The following MRPL34 variants were observed in gnomAD, a reference collection of about 807,000 sequenced individuals.
The protein encoded by MRPL34 is mitochondrial ribosomal protein L34.
Under a neutral mutation model 6.7 loss-of-function variants are expected in MRPL34, and 8 were observed. The ratio of observed to expected loss-of-function variants is 1.20; its 90% CI spans 0.70 to 2.16. The LOEUF is 2.16. Among genes scored for constraint, MRPL34 ranks in the 30% most tolerant of loss-of-function variants. The probability of loss-of-function intolerance (pLI) is 0.00; values close to 1 mark genes in which losing one functional copy is unlikely to be tolerated. For missense variants in MRPL34, 146 were observed against 125.5 expected (o/e 1.16, Z -0.78); for synonymous variants, 59 against 55.1 (o/e 1.07, Z -0.31).
chr19:17,300,388 G>A (rs2074111981), upstream of MRPL34, among the ~76,000 whole-genome samples: 1 of 151,914 alleles, frequency 6.6e-6, no homozygotes, highest in South Asian at 2.1e-4. Context: ...ACTTTTTGTA[G>A]AGCTAGGGGG....
chr19:17,301,250 C>A (rs750143429), upstream of MRPL34: 134 of 1,597,644 alleles, frequency 8.4e-5, no homozygotes, highest in Non-Finnish European at 1.1e-4. Flanking sequence ...CCCGCCGGAT[C>A]TGCCAGCTCC....
upstream of MRPL34, among the ~76,000 whole-genome samples, chr19:17,303,962 G>GCCC (rs371005346): frequency 1.4e-5 from 2 of 141,944 alleles, no homozygotes; most frequent in African/African-American, 5.3e-5. Context: ...TCCCCCCTAC[G>GCCC]CCCCCCCCTT....
upstream of MRPL34, chr19:17,302,244 G>A (rs1337908145): frequency 6.6e-6 from 1 of 152,532 alleles, no homozygotes; most frequent in East Asian, 1.9e-4. Flanking sequence ...TGGAGAAGGG[G>A]ACATTGTGGC....
upstream of MRPL34, among the ~76,000 whole-genome samples, chr19:17,299,561 A>C (rs1017659744): frequency 1.2e-5 from 1 of 80,986 alleles, no homozygotes; most frequent in African/African-American, 5.0e-5. Context: ...ACTCCATCTC[A>C]AAAAAAAAAA....
upstream of MRPL34, among the ~76,000 whole-genome samples, chr19:17,303,634 G>C (rs941322003): frequency 6.6e-6 from 1 of 152,224 alleles, no homozygotes; most frequent in Non-Finnish European, 1.5e-5. Context: ...CGGAGAAGGG[G>C]GTTGCAGTCT....
At chr19:17,299,210 G>C (rs2074105996), upstream of MRPL34, among the ~76,000 whole-genome samples, 1 of 148,286 alleles carries the variant, frequency 6.7e-6, no homozygotes, top group South Asian at 2.1e-4. Flanking sequence ...AGGAGTTCAA[G>C]ACCAGCCTGG....
At chr19:17,297,449 C>A (rs1192599119) in intron 1 of MRPL34, among the ~76,000 whole-genome samples, 3 of 152,040 alleles carry the variant, frequency 2.0e-5, no homozygotes, top group African/African-American at 7.2e-5. Flanking sequence ...GCACCTGCAA[C>A]CATACCCAGC....
chr19:17,292,875 G>A (rs773436699), intron 1 of MRPL34: 1 of 1,585,020 alleles, frequency 6.3e-7, no homozygotes, highest in Admixed American at 1.7e-5. Flanking sequence ...GCAAGAGGGT[G>A]GAGAGAGGCC....
At chr19:17,301,512 A>C, upstream of MRPL34, 1 of 1,611,616 alleles carries the variant, frequency 6.2e-7, no homozygotes. Flanking sequence ...TGACCTCTAC[A>C]AAGGTGTAGC....
chr19:17,300,583 TTC>T (rs1434855934), upstream of MRPL34, among the ~76,000 whole-genome samples: 1 of 152,116 alleles, frequency 6.6e-6, no homozygotes, highest in African/African-American at 2.4e-5. Context: ...GTTCAAGTGA[TTC>T]CTCTGCCTCA....
chr19:17,299,666 T>C (rs2074108775), upstream of MRPL34, among the ~76,000 whole-genome samples: 1 of 151,842 alleles, frequency 6.6e-6, no homozygotes, highest in Non-Finnish European at 1.5e-5. Flanking sequence ...GCCCAGTAGT[T>C]AAAGAACATC....
upstream of MRPL34, chr19:17,301,750 G>A: frequency 8.7e-7 from 1 of 1,147,104 alleles, no homozygotes; most frequent in Non-Finnish European, 1.2e-6. Context: ...CAGATCAAGT[G>A]AGCCACGGCA....
rs570892991 is a variant in MRPL34 at position 17,293,693 on chromosome 19, T to G, written c.214+839T>G. ...CAGTTATACTTTAATGGTTTTTGTT[T>G]TTTTTTTTTTTTCTTTAAGAAACGG... On this transcript the variant is annotated intron_variant, in intron 1 of 2. Coordinates refer to the MRPL34 transcript ENST00000595444. Among the ~76,000 whole-genome samples, 87 of 144,752 alleles carry G rather than the reference T, an allele frequency of 6.0e-4. 1 individual carries two copies. The highest frequency in any genetic ancestry group is 8.1e-4 in the Admixed American group (12 of 14,862). 95.0% of individuals were successfully genotyped at this position (144,752 alleles called of 152,430 possible).
At chr19:17,305,373 G>A (rs964309601), upstream of MRPL34, among the ~76,000 whole-genome samples, 11 of 152,130 alleles carry the variant, frequency 7.2e-5, no homozygotes, top group East Asian at 1.9e-3. Context: ...AGTGGCGCAG[G>A]GACCACCCCA....
upstream of MRPL34, among the ~76,000 whole-genome samples, chr19:17,299,074 A>G (rs1486014993): frequency 6.6e-6 from 1 of 152,156 alleles, no homozygotes; most frequent in South Asian, 2.1e-4. Context: ...ATGTGAAACA[A>G]TATCAGTGAT....
intron 1 of MRPL34, chr19:17,294,223 C>A: frequency 6.5e-7 from 1 of 1,548,582 alleles, no homozygotes; most frequent in Non-Finnish European, 8.7e-7. Flanking sequence ...CCCGCAGAGG[C>A]CACGCCCCTC....
chr19:17,301,776 T>TTGTGTG (rs10679164), upstream of MRPL34, among the ~76,000 whole-genome samples: 6,094 of 147,380 alleles, frequency 0.041, 306 homozygotes, highest in African/African-American at 0.12. Flanking sequence ...ATTTTTTTGT[T>TTGTGTG]TGTGTGTGTG....
At chr19:17,296,894 C>T (rs2074096383) in intron 1 of MRPL34, among the ~76,000 whole-genome samples, 1 of 151,860 alleles carries the variant, frequency 6.6e-6, no homozygotes, top group South Asian at 2.1e-4. Context: ...GGGGTTTCAC[C>T]GTGTTAGTCA....
At chr19:17,304,057 T>TC (rs1374712898), upstream of MRPL34, among the ~76,000 whole-genome samples, 1 of 151,920 alleles carries the variant, frequency 6.6e-6, no homozygotes. Flanking sequence ...GTCTACGGCC[T>TC]CCCAAAGGGC....
Sources: gnomAD v4.1 joint callset for allele counts (sites outside exome capture counted in the v4.1 genomes callset) on GRCh38, gnomAD v4.1.1 for gene constraint, MANE v1.5 for transcripts, NCBI Gene and HGNC (gene_info 2026-07-23, HGNC 2026-07-21) for gene names.